PHACTR1: variants seen among roughly 807,000 people sequenced by gnomAD.
PHACTR1 encodes RPEL repeat containing 1.
PHACTR1 carries 16 observed loss-of-function variants against 69.2 expected under a neutral mutation model. The observed-to-expected ratio is 0.23, with a 90% CI of 0.16 to 0.35. The LOEUF is 0.35. Among genes scored for constraint, PHACTR1 ranks in the 10% least tolerant of loss-of-function variants. PHACTR1 has a pLI of 1.00. For synonymous variants in PHACTR1, 312 were observed against 284.5 expected, an observed-to-expected ratio of 1.10 and a Z score of -0.97; for missense variants, 510 against 734.7, an observed-to-expected ratio of 0.69 and a Z score of 3.54.
At chr6:13,120,790 A>C (rs1315921927) in intron 5 of PHACTR1, among the ~76,000 whole-genome samples, 2 of 152,376 alleles carry the variant, frequency 1.3e-5, no homozygotes, top group Admixed American at 6.5e-5. Flanking sequence ...GACTCCATGC[A>C]GTCCTCATTA....
intron 4 of PHACTR1, among the ~76,000 whole-genome samples, chr6:12,845,429 A>ACCCCCCCCCC (rs1214194071): frequency 5.0e-4 from 9 of 18,064 alleles, no homozygotes; most frequent in Non-Finnish European, 7.9e-4. Context: ...AACACCACCC[A>ACCCCCCCCCC]CCCCCCCCCC....
intron 10 of PHACTR1, among the ~76,000 whole-genome samples, chr6:13,268,665 G>T (rs116398946): frequency 2.0e-5 from 3 of 152,350 alleles, no homozygotes; most frequent in Non-Finnish European, 4.4e-5. Context: ...TAGGTTCAGA[G>T]CAGAGCCTGG....
chr6:12,779,868 A>G (rs1184589282), intron 4 of PHACTR1, among the ~76,000 whole-genome samples: 1 of 152,232 alleles, frequency 6.6e-6, no homozygotes, highest in South Asian at 2.1e-4. Context: ...CCGTATAGAT[A>G]GAGCATCTCA....
At chr6:13,077,615 C>A (rs949840427) in intron 5 of PHACTR1, among the ~76,000 whole-genome samples, 5 of 152,124 alleles carry the variant, frequency 3.3e-5, no homozygotes, top group African/African-American at 1.2e-4. Flanking sequence ...GGCTTTCATT[C>A]CACTGGAGGC....
chr6:13,213,073 G>T (rs935500773), intron 8 of PHACTR1, among the ~76,000 whole-genome samples: 11 of 150,750 alleles, frequency 7.3e-5, no homozygotes, highest in East Asian at 3.9e-4. Flanking sequence ...CTACAACAGG[G>T]CCTGGCTTAT....
chr6:12,732,557 ATGAG>A (rs947828293), intron 3 of PHACTR1, among the ~76,000 whole-genome samples: 49 of 152,122 alleles, frequency 3.2e-4, no homozygotes, highest in African/African-American at 1.2e-3. Flanking sequence ...ACTCTCACTC[ATGAG>A]TAAGAACGTA....
chr6:13,052,027 A>G (rs572582952), intron 4 of PHACTR1, among the ~76,000 whole-genome samples: 7 of 152,268 alleles, frequency 4.6e-5, no homozygotes, highest in African/African-American at 1.4e-4. Context: ...CCTTATCTCT[A>G]TGAATGAAGG....
chr6:12,964,126 A>G (rs1419960148), intron 4 of PHACTR1, among the ~76,000 whole-genome samples: 1 of 152,214 alleles, frequency 6.6e-6, no homozygotes, highest in East Asian at 1.9e-4. Flanking sequence ...AAAGCCAACT[A>G]CCTTGTGAGT....
At chr6:13,002,836 T>C (rs1430390262) in intron 4 of PHACTR1, among the ~76,000 whole-genome samples, 8 of 152,334 alleles carry the variant, frequency 5.3e-5, no homozygotes, top group Admixed American at 2.6e-4. Flanking sequence ...TGAGGAGTTA[T>C]GCCGGTAAGT....
intron 4 of PHACTR1, among the ~76,000 whole-genome samples, chr6:12,958,757 A>C (rs1792234796): frequency 6.6e-6 from 1 of 152,248 alleles, no homozygotes; most frequent in African/African-American, 2.4e-5. Context: ...TTAGAACCAA[A>C]AGGAAAGTGT....
chr6:13,254,009 C>T lies in PHACTR1; in HGVS notation c.1392-18851C>T, dbSNP rs140530346. Among the ~76,000 whole-genome samples the T allele has an allele frequency of 8.0e-3, 1,222 of 152,292 alleles. 8 individuals are homozygous for T. The highest frequency in any genetic ancestry group is 0.031 in the Middle Eastern group (9 of 294). On this transcript the variant is annotated intron_variant, in intron 10 of 14. Transcript: ENST00000332995. ...TTGGGAGGCCAAGGCAGGCAGATTG[C>T]CTGAGGTCAGAAGTTCAAGACCAGC...
chr6:12,734,860 T>C (rs1764026779), intron 3 of PHACTR1, among the ~76,000 whole-genome samples: 1 of 152,238 alleles, frequency 6.6e-6, no homozygotes. Flanking sequence ...AATAGTTCAA[T>C]CAAACTGGTT....
chr6:12,726,831 C>T (rs1046756551), intron 3 of PHACTR1, among the ~76,000 whole-genome samples: 1 of 152,178 alleles, frequency 6.6e-6, no homozygotes, highest in African/African-American at 2.4e-5. Context: ...TTCTAATGTC[C>T]TCCCACCTGC....
intron 3 of PHACTR1, among the ~76,000 whole-genome samples, chr6:12,749,165 A>G (rs1237118701): frequency 6.6e-6 from 1 of 152,200 alleles, no homozygotes; most frequent in African/African-American, 2.4e-5. Context: ...GGTGAAGGAG[A>G]CCGTAGTGTG....
chr6:13,142,370 C>G (rs555173110), intron 5 of PHACTR1, among the ~76,000 whole-genome samples: 206 of 152,250 alleles, frequency 1.4e-3, no homozygotes, highest in African/African-American at 4.6e-3. Flanking sequence ...TCCCAAAGTG[C>G]TAGGATTACA....
chr6:13,283,584 A>C lies in PHACTR1; in HGVS notation c.1650+22A>C. 1 of 1,613,674 alleles carries C rather than the reference A, an allele frequency of 6.2e-7. No homozygotes were observed. Among genetic ancestry groups the C allele is most frequent in the South Asian group, 1.1e-5 (1 of 91,084 alleles). On this transcript the variant is annotated intron_variant, in intron 13 of 14. Transcript: ENST00000332995. The surrounding 1 kb of genome is among the most constrained non-coding windows in gnomAD (Gnocchi z 4.7). ...CAAAGTAAGCAGAGGGGAGTGCTGGAGAGTGGGAGGCAGGACCGTCTGCTG... is the reference window on the plus strand; with the variant it reads ...CAAAGTAAGCAGAGGGGAGTGCTGGCGAGTGGGAGGCAGGACCGTCTGCTG...
At position 12,924,991 on chromosome 6, in the gene PHACTR1, G is replaced by T. The variant is rs895510517; in HGVS notation, c.251-128374G>T. On this transcript the variant is annotated intron_variant, in intron 4 of 14. Coordinates refer to ENST00000332995, the MANE Select transcript of PHACTR1 (RefSeq NM_030948.6). ...TTATGACAGAAATCATCTGTGAGAA[G>T]CTCATTATGCCAGCATGGATTGTTT... Among the ~76,000 whole-genome samples, 7 of 152,100 alleles carry T rather than the reference G, an allele frequency of 4.6e-5. No homozygotes were observed. In the East Asian group the frequency reaches 1.2e-3, roughly 25 times the overall value.
chr6:12,876,265 T>A (rs1768476935), intron 4 of PHACTR1, among the ~76,000 whole-genome samples: 1 of 152,206 alleles, frequency 6.6e-6, no homozygotes, highest in Non-Finnish European at 1.5e-5. Context: ...CTGCTTACGA[T>A]GTGCCTGAGA....
intron 5 of PHACTR1, among the ~76,000 whole-genome samples, chr6:13,136,617 C>T (rs1233119151): frequency 6.6e-6 from 1 of 152,238 alleles, no homozygotes; most frequent in Non-Finnish European, 1.5e-5. Context: ...TCTCACCTTT[C>T]GACATGCTTC....
Sources: gnomAD v4.1 joint callset for allele counts (sites outside exome capture counted in the v4.1 genomes callset) on GRCh38, gnomAD v4.1.1 for gene constraint, Gnocchi (gnomAD v3.1) non-coding constraint, MANE v1.5 for transcripts, NCBI Gene and HGNC (gene_info 2026-07-23, HGNC 2026-07-21) for gene names.